UTRN: variants seen among roughly 807,000 people sequenced by gnomAD.
The protein encoded by UTRN is dystrophin-related protein 1.
UTRN carries 283 observed loss-of-function variants against 463.9 expected under a neutral mutation model. The observed-to-expected ratio is 0.61, with a 90% CI of 0.55 to 0.67. The LOEUF (loss-of-function observed/expected upper bound fraction) is 0.67, where lower values mean the gene tolerates loss of function less well. Ranked by LOEUF, UTRN falls within the 30% of genes least tolerant of loss-of-function variation. The pLI is 0.00. For synonymous variants in UTRN, 1,442 were observed against 1,431.5 expected (o/e 1.01, Z -0.17); for missense variants, 3,922 against 4,084.3 (o/e 0.96, Z 1.08).
rs1204697108 is a variant in UTRN at position 144,851,859 on chromosome 6, G to A, written c.*862G>A. The A allele has an allele frequency of 6.6e-6, 1 of 152,116 alleles. No homozygotes were observed. The highest frequency in any genetic ancestry group is 1.5e-5 in the Non-Finnish European group (1 of 68,018). 9.4% of individuals were successfully genotyped at this position (152,116 alleles called of 1,614,324 possible). On this transcript the variant is annotated 3_prime_UTR_variant, in exon 75 of 75. Coordinates refer to ENST00000367545, the MANE Select transcript of UTRN (RefSeq NM_007124.3). ...AATCTCAAAGATCATATTACCAAAG[G>A]TTGCCCACTTGAGCATATTTTCATT...
intron 60 of UTRN, among the ~76,000 whole-genome samples, chr6:144,781,306 G>A (rs1246060492): frequency 6.6e-6 from 1 of 152,092 alleles, no homozygotes; most frequent in Non-Finnish European, 1.5e-5. Flanking sequence ...GAGCATCATC[G>A]GAAGTAAACC....
Position 144,533,218 on chromosome 6 carries a change from G to T in UTRN, c.6191G>T (p.Arg2064Leu). 6.2e-7 allele frequency: 1 copy of T among 1,614,116 alleles called. No individual in the cohort carries two copies. Among genetic ancestry groups the T allele is most frequent in the Non-Finnish European group, 8.5e-7 (1 of 1,179,968 alleles). The change falls in exon 43 of 75, where the codon CGC (arginine) becomes CTC (leucine). Residue 2064 changes from arginine to leucine, a missense_variant. Arg to Leu is a moderately radical substitution (Grantham distance 102, BLOSUM62 -2). Around this residue, in one of 3 missense-constraint regions of UTRN, gnomAD observed 2,349 missense variants for 2,303.8 expected, o/e 1.02. Coordinates refer to ENST00000367545, the MANE Select transcript of UTRN (RefSeq NM_007124.3). The stretch of plus-strand genomic sequence containing the variant: ...GAAAAACTGGCAGGTTTAAACCAAC[G>T]CTGGGATGCAATTGTTGCAGAAGTG... The part of the protein sequence containing the change: ...LKEKLAGLNQ[R>L]WDAIVAEVKD...
At position 144,537,688 on chromosome 6, in the gene UTRN, G is replaced by A. The variant is rs532277544; in HGVS notation, c.6340G>A (p.Glu2114Lys). 5.6e-6 allele frequency: 9 copies of A among 1,610,502 alleles called. No homozygotes were observed. The highest frequency in any genetic ancestry group is 2.7e-5 in the African/African-American group (2 of 74,746). ...TGCTATGCAAAAGAGATCAACCACC[G>A]AATTGGGAGAAAACCTGCAAGAATT... Reference protein sequence around the residue: ...EHAMQKRSTTELGENLQELRD... With the variant: ...EHAMQKRSTTKLGENLQELRD... Residue 2114 changes from glutamate (E) to lysine (K), a missense_variant, in exon 44 of 75, where the codon GAA becomes AAA. Glu to Lys is a moderately conservative substitution (Grantham distance 56). Around this residue, in one of 3 missense-constraint regions of UTRN, gnomAD observed 2,349 missense variants for 2,303.8 expected, o/e 1.02. Transcript: ENST00000367545.
At chr6:144,455,901 G>A (rs1477830262) in intron 19 of UTRN, among the ~76,000 whole-genome samples, 2 of 152,164 alleles carry the variant, frequency 1.3e-5, no homozygotes, top group East Asian at 3.9e-4. Context: ...GAGTTCACAT[G>A]AAAGTGCTAC....
chr6:144,418,481 C>G (rs553343446), intron 3 of UTRN, among the ~76,000 whole-genome samples: 1 of 151,842 alleles, frequency 6.6e-6, no homozygotes, highest in Non-Finnish European at 1.5e-5. Flanking sequence ...CCTCGGCCTC[C>G]TAAAGTGCTG....
At chr6:144,586,256 A>T (rs73001733) in intron 51 of UTRN, among the ~76,000 whole-genome samples, 4,759 of 151,604 alleles carry the variant, frequency 0.031, 96 homozygotes, top group Non-Finnish European at 0.047. Context: ...GTTAAAATAT[A>T]CTCCCCTCCC....
intron 2 of UTRN, among the ~76,000 whole-genome samples, chr6:144,343,361 TAAACAC>T (rs1777291903): frequency 9.2e-6 from 1 of 108,252 alleles, no homozygotes; most frequent in African/African-American, 4.7e-5. Flanking sequence ...CCGTCTCTAC[TAAACAC>T]ACACACACAC....
intron 26 of UTRN, among the ~76,000 whole-genome samples, chr6:144,480,282 A>G (rs903693657): frequency 6.6e-6 from 1 of 152,178 alleles, no homozygotes; most frequent in Admixed American, 6.5e-5. Context: ...GGTAGTGGGC[A>G]TGAGGAAGAA....
chr6:144,628,767 G>C (rs946207320), intron 51 of UTRN, among the ~76,000 whole-genome samples: 1 of 152,008 alleles, frequency 6.6e-6, no homozygotes, highest in African/African-American at 2.4e-5. Context: ...ATTCCTCAGG[G>C]GGCTCCCTGA....
At chr6:144,325,149 G>A (rs1775900004) in intron 2 of UTRN, among the ~76,000 whole-genome samples, 1 of 152,128 alleles carries the variant, frequency 6.6e-6, no homozygotes, top group African/African-American at 2.4e-5. Context: ...CCCAGTTCCT[G>A]AAGCTATACC....
At chr6:144,471,556 T>A (rs906946712) in intron 23 of UTRN, among the ~76,000 whole-genome samples, 4 of 152,244 alleles carry the variant, frequency 2.6e-5, no homozygotes, top group Admixed American at 2.6e-4. Context: ...ACTTTCTCTC[T>A]TTTTGCACTT....
intron 2 of UTRN, among the ~76,000 whole-genome samples, chr6:144,292,531 G>A (rs1804334918): frequency 6.6e-6 from 1 of 152,148 alleles, no homozygotes; most frequent in Admixed American, 6.5e-5. Flanking sequence ...TGGCTGTACA[G>A]ATGAATCAAC....
chr6:144,509,708 C>T (rs2128589798), intron 34 of UTRN, among the ~76,000 whole-genome samples: 1 of 152,170 alleles, frequency 6.6e-6, no homozygotes, highest in East Asian at 1.9e-4. Flanking sequence ...AAATTATTTT[C>T]AATGCAAAGC....
chr6:144,462,575 G>A, intron 22 of UTRN, 79 bp from the exon 23 acceptor site: 1 of 1,337,360 alleles, frequency 7.5e-7, no homozygotes, highest in Non-Finnish European at 1.0e-6. Flanking sequence ...AGTGACTTTT[G>A]ACTTTATATA....
intron 51 of UTRN, among the ~76,000 whole-genome samples, chr6:144,661,328 A>G (rs1779840273): frequency 1.3e-5 from 2 of 152,134 alleles, no homozygotes; most frequent in South Asian, 4.1e-4. Flanking sequence ...TTGCCTTTTG[A>G]TGATAGGAAC....
At chr6:144,387,196 G>T (rs1781494699) in intron 2 of UTRN, among the ~76,000 whole-genome samples, 1 of 152,120 alleles carries the variant, frequency 6.6e-6, no homozygotes, top group African/African-American at 2.4e-5. Flanking sequence ...AGGCTGGAGT[G>T]CAGCGGCGCG....
chr6:144,327,954 A>C lies in UTRN; in HGVS notation c.79+36047A>C, dbSNP rs1776079432. ...GGCGAAACTCCGTCTCAAAACACAA[A>C]ACAAAACAAAACAAAGCAAAACGAA... On this transcript the variant is annotated intron_variant, in intron 2 of 74. Transcript: ENST00000367545. 2.0e-5 allele frequency among the ~76,000 whole-genome samples: 3 copies of C among 151,072 alleles called. 1 individual carries two copies. The highest frequency in any genetic ancestry group is 2.0e-4 in the Admixed American group (3 of 15,248).
At chr6:144,489,349 A>G (rs1029501669) in intron 30 of UTRN, among the ~76,000 whole-genome samples, 13 of 151,998 alleles carry the variant, frequency 8.6e-5, no homozygotes, top group African/African-American at 2.4e-4. Context: ...GGGTTTTGCC[A>G]TATTGTCCAG....
At chr6:144,314,471 C>G (rs912283548) in intron 2 of UTRN, among the ~76,000 whole-genome samples, 1 of 152,172 alleles carries the variant, frequency 6.6e-6, no homozygotes, top group African/African-American at 2.4e-5. Flanking sequence ...AAGTCTAGCA[C>G]AAAAAGCTGC....
Sources: allele counts gnomAD v4.1 joint callset (sites outside exome capture counted in the v4.1 genomes callset), GRCh38; gene constraint gnomAD v4.1.1; regional missense constraint gnomAD v4.1.1; transcripts MANE v1.5; gene names NCBI Gene and HGNC (gene_info 2026-07-23, HGNC 2026-07-21).